Variants in KANK1 observed in about 807,000 individuals in gnomAD.
The protein encoded by KANK1 is KN motif and ankyrin repeat domain-containing protein 1.
KANK1 carries 109 observed loss-of-function variants against 106.2 expected under a neutral mutation model. That is an observed-to-expected ratio of 1.03 (90% CI 0.88 to 1.20). KANK1 has a LOEUF of 1.20. KANK1 is among the 50% of genes most tolerant of loss of function. The probability of loss-of-function intolerance (pLI) is 0.00; values close to 1 mark genes in which losing one functional copy is unlikely to be tolerated. For missense variants in KANK1, 2,399 were observed against 1,710.7 expected, an observed-to-expected ratio of 1.40 and a Z score of -7.10; for synonymous variants, 873 against 652.2, an observed-to-expected ratio of 1.34 and a Z score of -5.16.
At chr9:607,324 A>G (rs2804307) in intron 1 of KANK1, among the ~76,000 whole-genome samples, 55,553 of 151,178 alleles carry the variant, frequency 0.37, 12,112 homozygotes, top group South Asian at 0.56. Flanking sequence ...CGTCTCTACT[A>G]TAAATACAAA....
intron 1 of KANK1, among the ~76,000 whole-genome samples, chr9:594,976 A>T (rs1330634497): frequency 2.0e-5 from 3 of 151,912 alleles, no homozygotes; most frequent in Admixed American, 6.5e-5. Flanking sequence ...TTATTATAGA[A>T]ACAGTTTGAT....
rs780651974 is a variant in KANK1, at chr9:676,104, C to G, written c.-83-786C>G. 3.3e-5 allele frequency among the ~76,000 whole-genome samples: 5 copies of G among 152,264 alleles called. No individual in the cohort carries two copies. In the East Asian group the frequency reaches 9.6e-4, roughly 29 times the overall value. On this transcript the variant is annotated intron_variant, in intron 1 of 11. Coordinates refer to ENST00000382297, the MANE Select transcript of KANK1 (RefSeq NM_015158.5). ...CATCTTGGTTTTGGTGGGTTTTGGA[C>G]GGCTTCTTTACCACAACCTGTTTTA...
chr9:541,282 G>A (rs1270221374), intron 1 of KANK1, among the ~76,000 whole-genome samples: 1 of 152,144 alleles, frequency 6.6e-6, no homozygotes, highest in South Asian at 2.1e-4. Flanking sequence ...CATATTTACA[G>A]TCGGTTGGCT....
chr9:682,212 G>A (rs891213527), intron 2 of KANK1, among the ~76,000 whole-genome samples: 4 of 151,322 alleles, frequency 2.6e-5, no homozygotes, highest in Admixed American at 1.3e-4. Context: ...CCCGGGAGAC[G>A]AAGGTTGCAG....
At chr9:573,770 A>G (rs1285260817) in intron 1 of KANK1, among the ~76,000 whole-genome samples, 1 of 150,638 alleles carries the variant, frequency 6.6e-6, no homozygotes, top group African/African-American at 2.4e-5. Flanking sequence ...ATCCTGAGTG[A>G]AAAGACAGGA....
chr9:484,687 C>G (rs1479617603), intron 3 of KANK1, among the ~76,000 whole-genome samples: 1 of 152,166 alleles, frequency 6.6e-6, no homozygotes, highest in Non-Finnish European at 1.5e-5. Context: ...TGTTCCTTGT[C>G]TGTTCTCAAG....
intron 1 of KANK1, among the ~76,000 whole-genome samples, chr9:621,248 A>T (rs143526127): frequency 2.8e-4 from 42 of 152,334 alleles, no homozygotes; most frequent in African/African-American, 9.4e-4. Context: ...TGCAACCAAA[A>T]GTAAATTAAT....
intron 1 of KANK1, among the ~76,000 whole-genome samples, chr9:655,659 G>A (rs967901690): frequency 1.3e-4 from 20 of 152,154 alleles, no homozygotes; most frequent in African/African-American, 4.6e-4. Flanking sequence ...TGGTTAGAAA[G>A]TGTTGACCTA....
intron 1 of KANK1, among the ~76,000 whole-genome samples, chr9:575,043 A>G (rs1007567083): frequency 2.6e-5 from 4 of 152,170 alleles, no homozygotes; most frequent in African/African-American, 9.7e-5. Flanking sequence ...TTATGTTTAA[A>G]AAAACAAAAA....
In KANK1 at chr9:713,128, G is replaced by C. The variant is rs1010485061; in HGVS notation, c.2362G>C (p.Val788Leu). ...AGCTTGTGGGCCACCACAGTTGACT[G>C]TGGGGCTGACAGCCAGCAGAAGGAG... is the stretch of plus-strand genomic sequence containing the variant. ...TIACGPPQLTVGLTASRRSVG... is the reference protein window; with the variant it reads ...TIACGPPQLTLGLTASRRSVG... The change falls in exon 3 of 12, where the codon GTG (valine) becomes CTG (leucine). Residue 788 changes from valine to leucine, a missense_variant. Physicochemically the swap from Val to Leu is conservative, Grantham distance 32. Transcript: ENST00000382297. 1.2e-6 allele frequency: 2 copies of C among 1,601,062 alleles called. No homozygotes were observed. The highest frequency in any genetic ancestry group is 1.7e-6 in the Non-Finnish European group (2 of 1,171,658).
chr9:699,394 C>A (rs1420803885), intron 2 of KANK1, among the ~76,000 whole-genome samples: 3 of 152,190 alleles, frequency 2.0e-5, no homozygotes, highest in Non-Finnish European at 2.9e-5. Flanking sequence ...AGTGTAACAA[C>A]TGCATCTTCC....
chr9:519,347 A>C (rs1046209773), intron 1 of KANK1, among the ~76,000 whole-genome samples: 2 of 151,786 alleles, frequency 1.3e-5, no homozygotes, highest in Non-Finnish European at 2.9e-5. Flanking sequence ...CAAATTTGCA[A>C]AAGGTGGTGT....
chr9:713,329 CCTCA>C lies in KANK1; in HGVS notation c.2569_2572del (p.Ser857ArgfsTer20). On this transcript the variant is annotated frameshift_variant, in exon 3 of 12. Transcript: ENST00000382297. LOFTEE classifies it high-confidence loss of function. ...TGAACTGGCAGAAGCTTTCGGGGAA[CCTCA>C]CTCACAGATGGGCTCCCTCAACTCT... 1 of 1,614,180 alleles carries C rather than the reference CCTCA, an allele frequency of 6.2e-7. No homozygotes were observed. The highest frequency in any genetic ancestry group is 8.5e-7 in the Non-Finnish European group (1 of 1,180,032).
At chr9:685,201 T>C (rs916575012) in intron 2 of KANK1, among the ~76,000 whole-genome samples, 6 of 152,182 alleles carry the variant, frequency 3.9e-5, no homozygotes, top group African/African-American at 1.4e-4. Flanking sequence ...AAAACACAGG[T>C]TTTTGAAATG....
intron 1 of KANK1, among the ~76,000 whole-genome samples, chr9:613,933 C>T (rs549308700): frequency 1.9e-4 from 29 of 152,238 alleles, no homozygotes; most frequent in African/African-American, 5.5e-4. Context: ...CTCATTTCTG[C>T]GCCCTACAGG....
At chr9:695,459 G>C (rs1056722691) in intron 2 of KANK1, among the ~76,000 whole-genome samples, 2 of 66,690 alleles carry the variant, frequency 3.0e-5, no homozygotes, top group Non-Finnish European at 7.0e-5. Context: ...TGCCCAAGCA[G>C]TGCGTGTGCA....
intron 1 of KANK1, among the ~76,000 whole-genome samples, chr9:670,008 C>T (rs938997806): frequency 2.6e-5 from 4 of 152,078 alleles, no homozygotes; most frequent in African/African-American, 9.7e-5. Flanking sequence ...ATGCATTCTG[C>T]TGTTGAGAGC....
intron 1 of KANK1, among the ~76,000 whole-genome samples, chr9:559,457 T>C (rs566058319): frequency 3.3e-4 from 50 of 152,122 alleles, no homozygotes; most frequent in African/African-American, 1.2e-3. Flanking sequence ...GGTGACTGAA[T>C]ATGTGGTACT....
intron 1 of KANK1, among the ~76,000 whole-genome samples, chr9:596,449 A>G (rs943668042): frequency 6.6e-6 from 1 of 151,790 alleles, no homozygotes; most frequent in Non-Finnish European, 1.5e-5. Flanking sequence ...CTGAGCCCCT[A>G]TGCTAAGCTG....
Sources: gnomAD v4.1 joint callset for allele counts (sites outside exome capture counted in the v4.1 genomes callset) on GRCh38, gnomAD v4.1.1 for gene constraint, MANE v1.5 for transcripts, NCBI Gene and HGNC (gene_info 2026-07-23, HGNC 2026-07-21) for gene names.